NREP: variants seen among roughly 807,000 people sequenced by gnomAD.
The protein encoded by NREP is neuronal regeneration related protein.
NREP carries 5 observed loss-of-function variants against 8.6 expected under a neutral mutation model. The ratio of observed to expected loss-of-function variants is 0.58; its 90% CI spans 0.30 to 1.22. The LOEUF is 1.22. Among genes scored for constraint, NREP ranks in the 50% most tolerant of loss-of-function variants. NREP has a pLI of 0.07. For synonymous variants in NREP, 27 were observed against 28.0 expected, an observed-to-expected ratio of 0.96 and a Z score of 0.11; for missense variants, 86 against 82.5, an observed-to-expected ratio of 1.04 and a Z score of -0.17.
intron 1 of NREP, chr5:111,756,264 A>G (rs1750695783): frequency 1.0e-6 from 1 of 976,994 alleles, no homozygotes; most frequent in Non-Finnish European, 1.2e-6. Context: ...ATATTTTTGG[A>G]AATGGCACTG....
chr5:111,915,805 A>G (rs1755040151), intron 2 of NREP, among the ~76,000 whole-genome samples: 2 of 152,158 alleles, frequency 1.3e-5, no homozygotes, highest in Admixed American at 1.3e-4. Flanking sequence ...TCATTTTTTA[A>G]AAATGCTAGC....
chr5:111,946,607 G>C (rs1755991799), intron 2 of NREP, among the ~76,000 whole-genome samples: 1 of 151,914 alleles, frequency 6.6e-6, no homozygotes, highest in Non-Finnish European at 1.5e-5. Context: ...CACATGTAAA[G>C]AAAGCCCAGG....
At chr5:111,775,327 G>A (rs1256794724) in intron 2 of NREP, among the ~76,000 whole-genome samples, 2 of 152,174 alleles carry the variant, frequency 1.3e-5, no homozygotes, top group Admixed American at 6.5e-5. Context: ...GGAGCAGTGT[G>A]AAGTGAGTGC....
intron 2 of NREP, among the ~76,000 whole-genome samples, chr5:111,910,351 T>C (rs181336130): frequency 6.6e-6 from 1 of 152,010 alleles, no homozygotes; most frequent in Non-Finnish European, 1.5e-5. Context: ...AATCATCTTT[T>C]TTTTCCATAA....
chr5:111,941,569 T>A (rs577716683), intron 2 of NREP, among the ~76,000 whole-genome samples: 12 of 152,188 alleles, frequency 7.9e-5, no homozygotes, highest in Admixed American at 7.2e-4. Context: ...AAACAGCCTG[T>A]CTCCAAATAG....
intron 2 of NREP, among the ~76,000 whole-genome samples, chr5:111,744,711 A>AAAC (rs1749893765): frequency 6.6e-6 from 1 of 152,120 alleles, no homozygotes; most frequent in African/African-American, 2.4e-5. Context: ...CTCCCAACCC[A>AAAC]AACAGATGTG....
intron 2 of NREP, among the ~76,000 whole-genome samples, chr5:111,793,258 T>C (rs1467636949): frequency 1.3e-5 from 2 of 152,084 alleles, no homozygotes; most frequent in Non-Finnish European, 2.9e-5. Flanking sequence ...ATTATGCAAA[T>C]TGGCTTATGT....
intron 2 of NREP, among the ~76,000 whole-genome samples, chr5:111,876,929 T>C (rs1020936264): frequency 2.0e-5 from 3 of 152,236 alleles, no homozygotes; most frequent in African/African-American, 7.2e-5. Context: ...GGTTAAGTGA[T>C]AGAATCAGAA....
chr5:111,757,762 C>T, upstream of NREP: 2 of 981,766 alleles, frequency 2.0e-6, no homozygotes, highest in Non-Finnish European at 2.4e-6. Flanking sequence ...AAATCCCCGG[C>T]CTTCCTCCCC....
chr5:111,891,803 G>C (rs181916779), intron 2 of NREP, among the ~76,000 whole-genome samples: 7 of 152,120 alleles, frequency 4.6e-5, no homozygotes, highest in Non-Finnish European at 8.8e-5. Flanking sequence ...ACTCGCTATC[G>C]TGAGGACAGC....
At chr5:111,937,931 C>G (rs1755727954) in intron 2 of NREP, among the ~76,000 whole-genome samples, 1 of 152,050 alleles carries the variant, frequency 6.6e-6, no homozygotes, top group Non-Finnish European at 1.5e-5. Flanking sequence ...CTGCTCTTGA[C>G]TTCTTAGTCC....
intron 2 of NREP, among the ~76,000 whole-genome samples, chr5:111,849,677 C>T (rs1442477027): frequency 6.6e-6 from 1 of 152,002 alleles, no homozygotes; most frequent in East Asian, 1.9e-4. Flanking sequence ...TGTTAGTGGT[C>T]CTTCCATATC....
chr5:111,733,655 A>C (rs1748823573), intron 3 of NREP: 2 of 152,170 alleles, frequency 1.3e-5, no homozygotes, highest in South Asian at 4.1e-4. Context: ...TCAAGCCAAA[A>C]AAAGTTCATC....
chr5:111,751,284 A>C (rs1455034363), intron 2 of NREP, among the ~76,000 whole-genome samples: 1 of 152,158 alleles, frequency 6.6e-6, no homozygotes, highest in Non-Finnish European at 1.5e-5. Context: ...ACTACTAATA[A>C]CTGAAGTGAT....
chr5:111,951,941 C>T (rs1403710351), intron 2 of NREP, among the ~76,000 whole-genome samples: 1 of 151,966 alleles, frequency 6.6e-6, no homozygotes, highest in Non-Finnish European at 1.5e-5. Context: ...GTGGATACCT[C>T]CCCATTTGAT....
intron 2 of NREP, among the ~76,000 whole-genome samples, chr5:111,900,818 A>G: frequency 6.6e-6 from 1 of 152,168 alleles, no homozygotes; most frequent in East Asian, 1.9e-4. Flanking sequence ...TTACTGCTGA[A>G]TTCTACCAAA....
chr5:111,756,170 G>A (rs1750690142), intron 1 of NREP: 2 of 1,044,040 alleles, frequency 1.9e-6, no homozygotes, highest in South Asian at 3.6e-5. Flanking sequence ...TTTGTTCCCA[G>A]ACATACTACT....
chr5:111,911,224 T>A (rs1245740517), intron 2 of NREP, among the ~76,000 whole-genome samples: 1 of 152,126 alleles, frequency 6.6e-6, no homozygotes, highest in African/African-American at 2.4e-5. Flanking sequence ...ATGTTCTTGA[T>A]ATCATATCTG....
chr5:111,947,695 T>C (rs1374068351), intron 2 of NREP, among the ~76,000 whole-genome samples: 1 of 152,102 alleles, frequency 6.6e-6, no homozygotes, highest in Non-Finnish European at 1.5e-5. Flanking sequence ...TATTAATTAA[T>C]ACTATACTCT....
Sources: allele counts gnomAD v4.1 joint callset (sites outside exome capture counted in the v4.1 genomes callset), GRCh38; gene constraint gnomAD v4.1.1; transcripts MANE v1.5; gene names NCBI Gene and HGNC (gene_info 2026-07-23, HGNC 2026-07-21).